Variants in DPP8 observed in about 807,000 individuals in gnomAD.
DPP8 encodes the protein dipeptidyl peptidase 8, also known as DPP VIII.
A neutral mutation model predicts 107.5 loss-of-function variants in DPP8; 31 were observed. That is an observed-to-expected ratio of 0.29 (90% confidence interval 0.22 to 0.39). The LOEUF (loss-of-function observed/expected upper bound fraction) is 0.39, where lower values mean the gene tolerates loss of function less well. Among genes scored for constraint, DPP8 ranks in the 10% least tolerant of loss-of-function variants. The pLI is 1.00. For synonymous variants in DPP8, 381 were observed against 356.6 expected (o/e 1.07, Z -0.77); for missense variants, 842 against 1,076.1 (o/e 0.78, Z 3.04).
At chr15:65,455,772 G>A (rs948234121) in intron 16 of DPP8, 17 of 1,287,916 alleles carry the variant, frequency 1.3e-5, no homozygotes, top group South Asian at 2.5e-5. Context: ...AAGGAACATC[G>A]GATTCTCATC....
At chr15:65,453,656 T>C (rs561279073) in intron 17 of DPP8, among the ~76,000 whole-genome samples, 1 of 152,174 alleles carries the variant, frequency 6.6e-6, no homozygotes, top group East Asian at 1.9e-4. Context: ...AGGTGGAGGC[T>C]GCAGTGAGCC....
chr15:65,495,785 G>A (rs1277566059), intron 5 of DPP8, among the ~76,000 whole-genome samples: 2 of 150,896 alleles, frequency 1.3e-5, no homozygotes, highest in Non-Finnish European at 2.9e-5. Context: ...GGGAGGCTGA[G>A]GCAGGGGAAT....
In DPP8 at chr15:65,466,695, G is replaced by A. The variant is rs1324583719; in HGVS notation, c.1808C>T (p.Thr603Ile). ...PTCKTKEFWA[T>I]ILDSAGPLPD... ...AAGAATACCTGCTGAATCCAAAATG[G>A]TGGCCCAAAATTCCTTTGTTTTGCA... is the stretch of plus-strand genomic sequence containing the variant. Residue 603 changes from threonine (T) to isoleucine (I), a missense_variant, in exon 14 of 20, where the codon ACC becomes ATC. Around this residue, in one of 2 missense-constraint regions of DPP8, gnomAD observed 663 missense variants for 758.0 expected, o/e 0.87. Transcript: ENST00000300141. 6.2e-7 allele frequency: 1 copy of A among 1,613,930 alleles called. No homozygotes were observed. The highest frequency in any genetic ancestry group is 8.5e-7 in the Non-Finnish European group (1 of 1,179,976).
At chr15:65,513,421 C>T (rs1265578198) in intron 1 of DPP8, among the ~76,000 whole-genome samples, 2 of 152,146 alleles carry the variant, frequency 1.3e-5, no homozygotes, top group Admixed American at 6.6e-5. Context: ...ACTGTGTTAG[C>T]CAGGATGGTC....
chr15:65,487,097 T>C (rs532869315), intron 7 of DPP8, among the ~76,000 whole-genome samples: 2 of 151,952 alleles, frequency 1.3e-5, no homozygotes, highest in South Asian at 4.2e-4. Context: ...TGGAAAAAAA[T>C]CACTTATTAT....
rs903484861 is a variant in DPP8, at chr15:65,515,243, A to C, written c.-12+2243T>G. On this transcript the variant is annotated intron_variant, in intron 1 of 19. Transcript: ENST00000300141. ...CGCGCCTGGCCATGCCCAGCTTCTTATTATTCACGTCACATCTTTCTTATG... is the reference window on the plus strand; with the variant it reads ...CGCGCCTGGCCATGCCCAGCTTCTTCTTATTCACGTCACATCTTTCTTATG... Among the ~76,000 whole-genome samples, 6 of 152,318 alleles carry C rather than the reference A, an allele frequency of 3.9e-5. No individual in the cohort carries two copies. The South Asian group carries it at 6.2e-4, about 16-fold the overall frequency.
rs1001111910 is a variant in DPP8, at chr15:65,506,733, A to G, written c.372+510T>C. ...CATATATAAACATATATATGTTTAA[A>G]AACTATTATATATATATGTTAAATA... On this transcript the variant is annotated intron_variant, in intron 3 of 19. Transcript: ENST00000300141. 8.7e-5 allele frequency among the ~76,000 whole-genome samples: 13 copies of G among 149,252 alleles called. 1 individual carries two copies. Among genetic ancestry groups the G allele is most frequent in the Non-Finnish European group, 1.6e-4 (11 of 67,438 alleles).
chr15:65,448,732 CATATATATCTAAAATATACATAT>C (rs1567124248), intron 19 of DPP8, among the ~76,000 whole-genome samples: 1 of 116,714 alleles, frequency 8.6e-6, no homozygotes, highest in African/African-American at 3.8e-5. Context: ...ATAAAATATA[CATATATATCTAAAATATACATAT>C]ATATCTGAAA....
At chr15:65,512,207 C>A in intron 2 of DPP8, 88 bp downstream of exon 2, 1 of 1,279,868 alleles carries the variant, frequency 7.8e-7, no homozygotes, top group Admixed American at 2.0e-5. Context: ...TTAATTTATT[C>A]ATCAAACTTT....
At position 65,443,743 on chromosome 15, in the gene DPP8, T is replaced by G. The variant is rs2063384346; in HGVS notation, c.*3141A>C. On this transcript the variant is annotated 3_prime_UTR_variant, in exon 20 of 20. Transcript: ENST00000300141. ...ATGAGCAGCTTCATGGACTACTGTT[T>G]AGGTTCTTGTGAATCAGTCCAGTGT... 1 of 152,192 alleles carries G rather than the reference T, an allele frequency of 6.6e-6. No individual in the cohort carries two copies. The highest frequency in any genetic ancestry group is 2.1e-4 in the South Asian group (1 of 4,832). 9.4% of individuals were successfully genotyped at this position (152,192 alleles called of 1,614,324 possible).
intron 2 of DPP8, among the ~76,000 whole-genome samples, chr15:65,509,819 G>C (rs545529284): frequency 2.0e-5 from 3 of 152,172 alleles, no homozygotes; most frequent in Admixed American, 1.3e-4. Context: ...TCAGGAGTTT[G>C]AGATGAGCCT....
intron 12 of DPP8, among the ~76,000 whole-genome samples, chr15:65,467,720 A>G (rs1440546110): frequency 6.6e-6 from 1 of 152,214 alleles, no homozygotes; most frequent in Non-Finnish European, 1.5e-5. Flanking sequence ...CCTGAAGGAA[A>G]AAGGACACCT....
chr15:65,490,279 C>T lies in DPP8; in HGVS notation c.736G>A (p.Asp246Asn), dbSNP rs1406422012. ...GTAGCGACTCCAGCTGATCTGGCATCTTCTTCCATGTTGGCTAGCTCTAGA... is the reference window on the plus strand; with the variant it reads ...GTAGCGACTCCAGCTGATCTGGCATTTTCTTCCATGTTGGCTAGCTCTAGA... ...VHNELANMEE[D>N]ARSAGVATFV... The change falls in exon 6 of 20, where the codon GAT becomes AAT. Residue 246 changes from aspartate to asparagine, a missense_variant. By Grantham distance (23) the Asp-to-Asn change is conservative (BLOSUM62 1). Coordinates refer to ENST00000300141, the MANE Select transcript of DPP8 (RefSeq NM_130434.5). The T allele has an allele frequency of 6.2e-7, 1 of 1,612,516 alleles. No homozygotes were observed. Among genetic ancestry groups the T allele is most frequent in the Non-Finnish European group, 8.5e-7 (1 of 1,178,520 alleles).
intron 2 of DPP8, among the ~76,000 whole-genome samples, chr15:65,509,803 T>C (rs2070526170): frequency 6.6e-6 from 1 of 152,050 alleles, no homozygotes; most frequent in African/African-American, 2.4e-5. Context: ...GGTAGACAGC[T>C]TGAGCTCAGG....
At chr15:65,511,789 A>G (rs944964603) in intron 2 of DPP8, among the ~76,000 whole-genome samples, 3 of 152,138 alleles carry the variant, frequency 2.0e-5, no homozygotes, top group Admixed American at 2.0e-4. Flanking sequence ...TAAAATTTAT[A>G]TTGGAAATAT....
rs750537447 is a variant in DPP8 at position 65,500,659 on chromosome 15, G to A, written c.493C>T (p.Gln165Ter). The A allele has an allele frequency of 1.9e-6, 3 of 1,613,896 alleles. No individual in the cohort carries two copies. The change falls in exon 4 of 20, where the codon CAA becomes TAA. Residue 165 changes from glutamine (Q) to a stop codon, truncating the protein, a stop_gained. Coordinates refer to ENST00000300141, the MANE Select transcript of DPP8 (RefSeq NM_130434.5). LOFTEE classifies it high-confidence loss of function. ...ACGTGATAAATTCCACTACCGGCTTGAAACAGAAATGTTCCACTTCCTTGG... is the reference window on the plus strand; with the variant it reads ...ACGTGATAAATTCCACTACCGGCTTAAAACAGAAATGTTCCACTTCCTTGG... ...YHQGSGTFLF[Q>*]AGSGIYHVKD...
intron 15 of DPP8, chr15:65,459,033 TTAACCTTAAAAAAAAAA>T: frequency 6.7e-6 from 1 of 149,406 alleles, no homozygotes; most frequent in African/African-American, 2.5e-5. Flanking sequence ...TATTTTTTTT[TTAACCTTAAAAAAAAAA>T]AAGGCGGGGG....
chr15:65,491,160 CAAAAA>C (rs764574499), intron 5 of DPP8, among the ~76,000 whole-genome samples: 1 of 55,006 alleles, frequency 1.8e-5, no homozygotes. Flanking sequence ...GACTCCGTCT[CAAAAA>C]AAAAAAAAAA....
chr15:65,499,923 G>C (rs2069026156), intron 4 of DPP8, among the ~76,000 whole-genome samples: 1 of 151,940 alleles, frequency 6.6e-6, no homozygotes, highest in Admixed American at 6.6e-5. Context: ...TTTGAGATAA[G>C]GTTTTGGTCT....
Sources: allele counts gnomAD v4.1 joint callset (sites outside exome capture counted in the v4.1 genomes callset), GRCh38; gene constraint gnomAD v4.1.1; regional missense constraint gnomAD v4.1.1; transcripts MANE v1.5; gene names NCBI Gene and HGNC (gene_info 2026-07-23, HGNC 2026-07-21).